Variants in PPP2R5E observed in about 807,000 individuals in gnomAD.
PPP2R5E encodes protein phosphatase 2 regulatory subunit B'epsilon, also known as serine/threonine-protein phosphatase 2A 56 kDa regulatory subunit epsilon isoform.
PPP2R5E carries 4 observed loss-of-function variants against 65.3 expected under a neutral mutation model. The ratio of observed to expected loss-of-function variants is 0.06; its 90% CI spans 0.03 to 0.14. The LOEUF (loss-of-function observed/expected upper bound fraction) is 0.14. PPP2R5E is among the 10% of genes least tolerant of loss of function. The probability of loss-of-function intolerance (pLI) is 1.00; values close to 1 mark genes in which losing one functional copy is unlikely to be tolerated. For synonymous variants in PPP2R5E, 183 were observed against 187.4 expected (o/e 0.98, Z 0.19); for missense variants, 274 against 556.1 (o/e 0.49, Z 5.10).
rs1398280397 is a variant in PPP2R5E, at chr14:63,497,010, T to C, written c.157+42519A>G. Among the ~76,000 whole-genome samples, 3 of 152,136 alleles carry C rather than the reference T, an allele frequency of 2.0e-5. No individual in the cohort carries two copies. In the South Asian group the frequency reaches 6.2e-4, roughly 32 times the overall value. On this transcript the variant is annotated intron_variant, in intron 2 of 13. Coordinates refer to ENST00000337537, the MANE Select transcript of PPP2R5E (RefSeq NM_006246.5). Reference sequence around the variant, plus strand: ...AGCTATGGCCTTTAAACCACCCCAGTACCCCTCCCCCTGCCCACAGCTCTA... The same window carrying C: ...AGCTATGGCCTTTAAACCACCCCAGCACCCCTCCCCCTGCCCACAGCTCTA...
At chr14:63,519,848 G>A (rs948304387) in intron 2 of PPP2R5E, among the ~76,000 whole-genome samples, 2 of 151,610 alleles carry the variant, frequency 1.3e-5, no homozygotes, top group African/African-American at 4.9e-5. Context: ...TTTTAGTAAA[G>A]ATGGGGTTTC....
At chr14:63,426,568 C>T (rs1269863442) in intron 3 of PPP2R5E, among the ~76,000 whole-genome samples, 6 of 152,046 alleles carry the variant, frequency 3.9e-5, no homozygotes, top group East Asian at 3.9e-4. Flanking sequence ...CTAAAGCATA[C>T]GTTAAAGATA....
At chr14:63,518,072 ATT>A (rs1447803391) in intron 2 of PPP2R5E, among the ~76,000 whole-genome samples, 4 of 152,174 alleles carry the variant, frequency 2.6e-5, no homozygotes, top group South Asian at 2.1e-4. Context: ...GATAGATTTT[ATT>A]TTATTAATTT....
chr14:63,433,291 G>A (rs1034055718), intron 3 of PPP2R5E, among the ~76,000 whole-genome samples: 1 of 152,004 alleles, frequency 6.6e-6, no homozygotes, highest in African/African-American at 2.4e-5. Context: ...ACCTGCCTCG[G>A]CCTCCCATAG....
At chr14:63,485,666 G>A (rs1194543037) in intron 2 of PPP2R5E, among the ~76,000 whole-genome samples, 1 of 151,886 alleles carries the variant, frequency 6.6e-6, no homozygotes, top group Non-Finnish European at 1.5e-5. Flanking sequence ...CACCCGCCTC[G>A]GCCTCCCAAA....
At chr14:63,536,333 C>A (rs1594983308) in intron 2 of PPP2R5E, among the ~76,000 whole-genome samples, 3 of 152,240 alleles carry the variant, frequency 2.0e-5, no homozygotes, top group East Asian at 1.9e-4. Context: ...CACTGAAATA[C>A]CACTTCATAC....
At chr14:63,434,314 G>A (rs1480998883) in intron 3 of PPP2R5E, among the ~76,000 whole-genome samples, 3 of 152,198 alleles carry the variant, frequency 2.0e-5, no homozygotes, top group Non-Finnish European at 4.4e-5. Context: ...ATCTTCACAA[G>A]AGTTTCTTTC....
At chr14:63,388,013 G>A (rs550864035) in intron 11 of PPP2R5E, among the ~76,000 whole-genome samples, 5 of 152,176 alleles carry the variant, frequency 3.3e-5, no homozygotes, top group South Asian at 2.1e-4. Context: ...AATAAATGTC[G>A]TTTAAGTCGC....
chr14:63,519,596 T>G (rs1892805869), intron 2 of PPP2R5E, among the ~76,000 whole-genome samples: 1 of 149,914 alleles, frequency 6.7e-6, no homozygotes, highest in Non-Finnish European at 1.5e-5. Flanking sequence ...TCAGGTGATC[T>G]ACCCACCTCG....
chr14:63,476,607 C>T (rs1476206632), intron 2 of PPP2R5E, among the ~76,000 whole-genome samples: 1 of 152,084 alleles, frequency 6.6e-6, no homozygotes, highest in East Asian at 1.9e-4. Flanking sequence ...CTACTGTCCA[C>T]CCAACTAATA....
chr14:63,452,665 T>A (rs1888908543), intron 3 of PPP2R5E: 1 of 152,234 alleles, frequency 6.6e-6, no homozygotes, highest in African/African-American at 2.4e-5. Flanking sequence ...ATATTGGGCA[T>A]CGTTTTCAGA....
intron 5 of PPP2R5E, among the ~76,000 whole-genome samples, chr14:63,403,629 G>A (rs1885893632): frequency 1.3e-5 from 2 of 149,500 alleles, no homozygotes; most frequent in Non-Finnish European, 3.0e-5. Flanking sequence ...CAGGAAGAAG[G>A]TCTCCAAGAA....
At chr14:63,394,395 A>C (rs1262173343) in intron 7 of PPP2R5E, among the ~76,000 whole-genome samples, 2 of 151,610 alleles carry the variant, frequency 1.3e-5, no homozygotes, top group Non-Finnish European at 2.9e-5. Context: ...AGGATTTCTT[A>C]ATGACTTCAA....
intron 2 of PPP2R5E, among the ~76,000 whole-genome samples, chr14:63,459,795 CCT>C (rs1430692787): frequency 2.0e-5 from 3 of 152,300 alleles, no homozygotes; most frequent in African/African-American, 7.2e-5. Context: ...ACTCTAAAAT[CCT>C]TCTTTCATCC....
intron 5 of PPP2R5E, among the ~76,000 whole-genome samples, chr14:63,399,654 T>A (rs1173617850): frequency 6.6e-6 from 1 of 152,034 alleles, no homozygotes; most frequent in African/African-American, 2.4e-5. Flanking sequence ...ACACAATAAA[T>A]CTGCTACCTT....
chr14:63,379,490 G>A (rs974979329), intron 13 of PPP2R5E, among the ~76,000 whole-genome samples: 5 of 152,028 alleles, frequency 3.3e-5, no homozygotes, highest in African/African-American at 4.8e-5. Context: ...CAGGCTGGTC[G>A]CAAATTCCCA....
chr14:63,385,717 C>T (rs1884624430), intron 11 of PPP2R5E, among the ~76,000 whole-genome samples: 2 of 152,110 alleles, frequency 1.3e-5, no homozygotes, highest in Admixed American at 6.5e-5. Flanking sequence ...CAGGTGAGGA[C>T]ACAGAGACTC....
At chr14:63,398,759 C>A (rs899963279) in intron 5 of PPP2R5E, among the ~76,000 whole-genome samples, 5 of 152,132 alleles carry the variant, frequency 3.3e-5, no homozygotes, top group Non-Finnish European at 7.3e-5. Context: ...TGCTGCACTA[C>A]AGCCTAGGCA....
intron 2 of PPP2R5E, among the ~76,000 whole-genome samples, chr14:63,470,816 C>T (rs771592262): frequency 6.8e-6 from 1 of 147,690 alleles, no homozygotes; most frequent in Admixed American, 6.7e-5. Flanking sequence ...CACAGAAAGA[C>T]CTCCGTCTCT....
Sources: allele counts gnomAD v4.1 joint callset (sites outside exome capture counted in the v4.1 genomes callset), GRCh38; gene constraint gnomAD v4.1.1; transcripts MANE v1.5; gene names NCBI Gene and HGNC (gene_info 2026-07-23, HGNC 2026-07-21).